Variants in KCND2 observed in about 807,000 individuals in gnomAD.
KCND2 encodes the protein potassium voltage-gated channel subfamily D member 2.
In KCND2, 16 loss-of-function variants were observed where a neutral mutation model predicts 54.4. The observed-to-expected ratio is 0.29, with a 90% CI of 0.20 to 0.45. KCND2 has a LOEUF of 0.45. KCND2 is among the 20% of genes least tolerant of loss of function. The probability of loss-of-function intolerance (pLI) is 1.00; values close to 1 mark genes in which losing one functional copy is unlikely to be tolerated. For synonymous variants in KCND2, 317 were observed against 310.7 expected, an observed-to-expected ratio of 1.02 and a Z score of -0.21; for missense variants, 486 against 824.2, an observed-to-expected ratio of 0.59 and a Z score of 5.02.
intron 1 of KCND2, among the ~76,000 whole-genome samples, chr7:120,411,116 GTCT>G (rs891768868): frequency 1.7e-4 from 26 of 151,944 alleles, no homozygotes; most frequent in Admixed American, 5.9e-4. Flanking sequence ...ATGTGCAAAA[GTCT>G]TCTTTACATT....
intron 1 of KCND2, among the ~76,000 whole-genome samples, chr7:120,678,047 C>T (rs957808775): frequency 6.6e-6 from 1 of 151,798 alleles, no homozygotes; most frequent in Non-Finnish European, 1.5e-5. Flanking sequence ...GAATAGATGG[C>T]TTTTATGAAT....
At chr7:120,354,605 A>G (rs559214847) in intron 1 of KCND2, among the ~76,000 whole-genome samples, 6 of 152,328 alleles carry the variant, frequency 3.9e-5, no homozygotes, top group African/African-American at 1.4e-4. Flanking sequence ...TATGAAAGCC[A>G]TACATGGTGG....
chr7:120,513,119 T>C (rs1023363618), intron 1 of KCND2, among the ~76,000 whole-genome samples: 1 of 152,062 alleles, frequency 6.6e-6, no homozygotes, highest in Non-Finnish European at 1.5e-5. Flanking sequence ...TTTCTTCACA[T>C]GTGAAGTGAA....
chr7:120,706,468 T>C (rs1407608831), intron 1 of KCND2, among the ~76,000 whole-genome samples: 1 of 152,176 alleles, frequency 6.6e-6, no homozygotes, highest in African/African-American at 2.4e-5. Context: ...TGTCTTCACA[T>C]GGCAGAAGGC....
At chr7:120,677,191 T>A (rs76152661) in intron 1 of KCND2, among the ~76,000 whole-genome samples, 1,883 of 152,256 alleles carry the variant, frequency 0.012, 13 homozygotes, top group Non-Finnish European at 0.018. Context: ...GTAAAGGACC[T>A]GCTAGAATTT....
chr7:120,681,590 G>A (rs2116589978), intron 1 of KCND2, among the ~76,000 whole-genome samples: 1 of 151,868 alleles, frequency 6.6e-6, no homozygotes, highest in Admixed American at 6.6e-5. Flanking sequence ...GAAGAAGTAT[G>A]TATTGCGGTT....
intron 1 of KCND2, among the ~76,000 whole-genome samples, chr7:120,676,939 G>A (rs1362289473): frequency 6.6e-6 from 1 of 152,210 alleles, no homozygotes; most frequent in Non-Finnish European, 1.5e-5. Flanking sequence ...AATTGGCTGT[G>A]TTGTTGAAGG....
At chr7:120,721,015 A>T (rs1171173945) in intron 1 of KCND2, among the ~76,000 whole-genome samples, 2 of 151,976 alleles carry the variant, frequency 1.3e-5, no homozygotes, top group African/African-American at 4.8e-5. Context: ...TGCTGCATTT[A>T]AAAAAAATAG....
intron 1 of KCND2, among the ~76,000 whole-genome samples, chr7:120,345,584 T>C (rs918411874): frequency 2.6e-5 from 4 of 152,162 alleles, no homozygotes; most frequent in African/African-American, 9.7e-5. Flanking sequence ...CATTCCACTT[T>C]TTCTGTTTCT....
At chr7:120,444,813 G>T (rs1371884554) in intron 1 of KCND2, among the ~76,000 whole-genome samples, 2 of 152,050 alleles carry the variant, frequency 1.3e-5, no homozygotes, top group South Asian at 4.1e-4. Context: ...GGATGTTAAG[G>T]TGTAATGATT....
intron 1 of KCND2, among the ~76,000 whole-genome samples, chr7:120,603,158 CT>C (rs1405666856): frequency 6.6e-6 from 1 of 152,174 alleles, no homozygotes; most frequent in Non-Finnish European, 1.5e-5. Flanking sequence ...GATTCTTCAT[CT>C]TTTCATTTAT....
chr7:120,708,947 T>C (rs565286750), intron 1 of KCND2, among the ~76,000 whole-genome samples: 1 of 152,204 alleles, frequency 6.6e-6, no homozygotes, highest in East Asian at 1.9e-4. Flanking sequence ...AATAAATAAA[T>C]AATGAGAAAA....
In KCND2 at chr7:120,349,109, G is replaced by C. The variant is rs963138552; in HGVS notation, c.1115+73362G>C. On this transcript the variant is annotated intron_variant, in intron 1 of 5. Coordinates refer to ENST00000331113, the MANE Select transcript of KCND2 (RefSeq NM_012281.3). ...ATATCTTACCACCCCTCATAAATAT[G>C]GGAAACTTATACTACTTGCAATTGC... Among the ~76,000 whole-genome samples, 59 of 152,040 alleles carry C rather than the reference G, an allele frequency of 3.9e-4. 1 individual carries two copies. The highest frequency in any genetic ancestry group is 1.3e-3 in the African/African-American group (55 of 41,382).
At chr7:120,461,029 C>G (rs1323718795) in intron 1 of KCND2, among the ~76,000 whole-genome samples, 1 of 152,154 alleles carries the variant, frequency 6.6e-6, no homozygotes, top group Non-Finnish European at 1.5e-5. Flanking sequence ...CTCTGTCTGC[C>G]TTTTGTTCCA....
At chr7:120,578,151 A>G (rs181768881) in intron 1 of KCND2, among the ~76,000 whole-genome samples, 4 of 152,220 alleles carry the variant, frequency 2.6e-5, no homozygotes, top group South Asian at 2.1e-4. Context: ...AGCCTGATGC[A>G]GTAGCATGTA....
At chr7:120,465,671 ACCTGT>A (rs146185357) in intron 1 of KCND2, among the ~76,000 whole-genome samples, 4,057 of 152,250 alleles carry the variant, frequency 0.027, 83 homozygotes, top group Non-Finnish European at 0.045. Context: ...AGTCAGATAG[ACCTGT>A]CTGTCTGTCT....
At position 120,717,269 on chromosome 7, in the gene KCND2, T is replaced by C. The variant is rs557715940; in HGVS notation, c.1116-15634T>C. ...CCATGACGATGTCAATGGTTTGATGTCAGGAGCAGACAATGTCAATGACTA... is the reference window on the plus strand; with the variant it reads ...CCATGACGATGTCAATGGTTTGATGCCAGGAGCAGACAATGTCAATGACTA... On this transcript the variant is annotated intron_variant, in intron 1 of 5. Coordinates refer to ENST00000331113, the MANE Select transcript of KCND2 (RefSeq NM_012281.3). Among the ~76,000 whole-genome samples, 3 of 152,168 alleles carry C rather than the reference T, an allele frequency of 2.0e-5. No individual in the cohort carries two copies. In the South Asian group the frequency reaches 6.2e-4, roughly 32 times the overall value.
At chr7:120,348,840 C>T (rs1025093693) in intron 1 of KCND2, among the ~76,000 whole-genome samples, 3 of 152,072 alleles carry the variant, frequency 2.0e-5, no homozygotes, top group Admixed American at 6.6e-5. Flanking sequence ...ACTGTTGCTA[C>T]TTAATTTCTG....
At chr7:120,373,689 T>C (rs1800797850) in intron 1 of KCND2, among the ~76,000 whole-genome samples, 1 of 151,842 alleles carries the variant, frequency 6.6e-6, no homozygotes, top group African/African-American at 2.4e-5. Context: ...TGGATAGACC[T>C]GCCAGTAGAC....
Sources: gnomAD v4.1 joint callset for allele counts (sites outside exome capture counted in the v4.1 genomes callset) on GRCh38, gnomAD v4.1.1 for gene constraint, MANE v1.5 for transcripts, NCBI Gene and HGNC (gene_info 2026-07-23, HGNC 2026-07-21) for gene names.